CABP1: variants seen among roughly 807,000 people sequenced by gnomAD.
The protein encoded by CABP1 is calcium-binding protein 1.
A neutral mutation model predicts 34.3 loss-of-function variants in CABP1; 17 were observed. That is an observed-to-expected ratio of 0.50 (90% confidence interval 0.34 to 0.74). CABP1 has a LOEUF of 0.74. CABP1 is among the 30% of genes least tolerant of loss of function. The probability of loss-of-function intolerance (pLI) is 0.01; values close to 1 mark genes in which losing one functional copy is unlikely to be tolerated. For missense variants in CABP1, 373 were observed against 511.1 expected (o/e 0.73, Z 2.61); for synonymous variants, 198 against 229.2 (o/e 0.86, Z 1.23).
the CABP1 span, among the ~76,000 whole-genome samples, chr12:120,679,544 TG>T: frequency 6.6e-6 from 1 of 152,192 alleles, no homozygotes; most frequent in African/African-American, 2.4e-5. Flanking sequence ...TGGTGAATTT[TG>T]GGCTGGGCGC....
intron 1 of CABP1, among the ~76,000 whole-genome samples, chr12:120,658,777 G>A (rs544729952): frequency 9.2e-5 from 14 of 152,296 alleles, no homozygotes; most frequent in South Asian, 2.1e-4. Context: ...GTCTGTGTTC[G>A]TGGGAGGTAT....
At chr12:120,642,350 C>G (rs902823322) in intron 1 of CABP1, among the ~76,000 whole-genome samples, 1 of 152,192 alleles carries the variant, frequency 6.6e-6, no homozygotes, top group Admixed American at 6.5e-5. Context: ...GAAGCTGTTT[C>G]AAGCTCCTGG....
chr12:120,649,379 T>G (rs1879704092), intron 1 of CABP1, among the ~76,000 whole-genome samples: 1 of 152,090 alleles, frequency 6.6e-6, no homozygotes, highest in South Asian at 2.1e-4. Context: ...TGCCCCCTGC[T>G]GGAAAAAGCT....
At chr12:120,669,402 T>A (rs368411079), downstream of CABP1, among the ~76,000 whole-genome samples, 6 of 152,324 alleles carry the variant, frequency 3.9e-5, no homozygotes, top group Admixed American at 3.9e-4. Flanking sequence ...AGAAACACAG[T>A]GGCCTTGGAG....
Position 120,667,026 on chromosome 12 carries a change from C to G in CABP1, c.*126C>G, listed in dbSNP as rs1405172359. ...ACTGGCGGATGGGGCCTGCCTGCAC[C>G]CCGGGGAGGCGCCCACCCCGGACCC... On this transcript the variant is annotated 3_prime_UTR_variant, in exon 6 of 6. Transcript: ENST00000316803. 8 of 1,191,654 alleles carry G rather than the reference C, an allele frequency of 6.7e-6. No homozygotes were observed. The highest frequency in any genetic ancestry group is 6.6e-5 in the South Asian group (5 of 75,558). 73.8% of individuals were successfully genotyped at this position (1,191,654 alleles called of 1,614,324 possible).
the CABP1 span, among the ~76,000 whole-genome samples, chr12:120,677,070 T>G: frequency 6.7e-6 from 1 of 149,484 alleles, no homozygotes; most frequent in Non-Finnish European, 1.5e-5. Context: ...TAAGGCATTC[T>G]CTTGAAGTTT....
At chr12:120,673,281 C>T in the CABP1 span, among the ~76,000 whole-genome samples, 1 of 151,848 alleles carries the variant, frequency 6.6e-6, no homozygotes, top group African/African-American at 2.4e-5. Context: ...TCTTATTTTA[C>T]AATAAAAAAA....
At chr12:120,657,939 C>T (rs1880345507) in intron 1 of CABP1, among the ~76,000 whole-genome samples, 2 of 152,216 alleles carry the variant, frequency 1.3e-5, no homozygotes, top group East Asian at 1.9e-4. Flanking sequence ...TGTATGTGTA[C>T]ACACGTGTGC....
At position 120,641,634 on chromosome 12, in the gene CABP1, C is replaced by A; in HGVS notation, c.654+295C>A. The stretch of plus-strand genomic sequence containing the variant: ...GGAAGAGAGCGACCTCTACGACCGT[C>A]CTGGAGATTTGCGGGGGTCAAGGAG... On this transcript the variant is annotated intron_variant, in intron 1 of 5. Coordinates refer to ENST00000316803, the MANE Select transcript of CABP1 (RefSeq NM_001033677.2). The surrounding 1 kb of genome is among the most constrained non-coding windows in gnomAD (Gnocchi z 6.7). 3.3e-6 allele frequency: 1 copy of A among 302,260 alleles called. No individual in the cohort carries two copies. The highest frequency in any genetic ancestry group is 5.2e-5 in the East Asian group (1 of 19,092). The allele number at this position is 302,260 out of a possible 1,614,324, so 18.7% of individuals were successfully genotyped here.
chr12:120,667,594 T>G (rs942226291), downstream of CABP1, among the ~76,000 whole-genome samples: 1 of 152,120 alleles, frequency 6.6e-6, no homozygotes, highest in African/African-American at 2.4e-5. Context: ...GTTCAAGCGA[T>G]TCTCCTGCCT....
chr12:120,656,857 G>T (rs574885323), intron 1 of CABP1, among the ~76,000 whole-genome samples: 4 of 152,122 alleles, frequency 2.6e-5, no homozygotes, highest in Admixed American at 6.5e-5. Flanking sequence ...GTCGCGCCAT[G>T]GCACTCCAGC....
chr12:120,655,395 T>C, intron 1 of CABP1: 1 of 262,640 alleles, frequency 3.8e-6, no homozygotes, highest in Non-Finnish European at 6.1e-6. Context: ...ATCACGCCAC[T>C]GCACTCCAGC....
At chr12:120,663,077 G>C (rs1429902107) in intron 5 of CABP1, among the ~76,000 whole-genome samples, 2 of 152,092 alleles carry the variant, frequency 1.3e-5, no homozygotes, top group African/African-American at 2.4e-5. Flanking sequence ...ACCCTTCCCT[G>C]GTTCCTCAAA....
chr12:120,650,359 C>T (rs1879765834), intron 1 of CABP1: 3 of 774,238 alleles, frequency 3.9e-6, no homozygotes, highest in Non-Finnish European at 5.8e-6. Context: ...CCTGCACTCT[C>T]CCCTTCTGCT....
At chr12:120,667,576 C>T (rs1333203453), downstream of CABP1, among the ~76,000 whole-genome samples, 1 of 152,164 alleles carries the variant, frequency 6.6e-6, no homozygotes, top group Non-Finnish European at 1.5e-5. Flanking sequence ...GTAACCTCTG[C>T]TTCCCAGGTT....
At chr12:120,663,436 G>A (rs1432170383) in intron 5 of CABP1, among the ~76,000 whole-genome samples, 1 of 151,686 alleles carries the variant, frequency 6.6e-6, no homozygotes, top group Non-Finnish European at 1.5e-5. Flanking sequence ...CACCATGCCT[G>A]GCTAATTTTT....
At position 120,640,797 on chromosome 12, in the gene CABP1, CCCGCG is replaced by C; in HGVS notation, c.122_126del (p.Arg41HisfsTer56). The C allele has an allele frequency of 9.0e-7, 1 of 1,111,808 alleles. No individual in the cohort carries two copies. The highest frequency in any genetic ancestry group is 1.1e-6 in the Non-Finnish European group (1 of 912,668). 68.9% of individuals were successfully genotyped at this position (1,111,808 alleles called of 1,614,324 possible). A position where few individuals can be genotyped will look rare whatever the true frequency, so the allele number is the denominator to read the frequency against. ...GCCCCGTTCTCTGCCCGCCGGGGGC[CCCGCG>C]CCGCGCCGCACCGCGCCGCCCCCGC... is the stretch of plus-strand genomic sequence containing the variant. On this transcript the variant is annotated frameshift_variant, in exon 1 of 6. Coordinates refer to ENST00000316803, the MANE Select transcript of CABP1 (RefSeq NM_001033677.2). LOFTEE classifies it high-confidence loss of function. The surrounding 1 kb of genome is among the most constrained non-coding windows in gnomAD (Gnocchi z 6.2).
At chr12:120,675,358 C>G in the CABP1 span, among the ~76,000 whole-genome samples, 1 of 152,192 alleles carries the variant, frequency 6.6e-6, no homozygotes, top group Non-Finnish European at 1.5e-5. Flanking sequence ...CGGCCATTAT[C>G]TGTTATTAAT....
At chr12:120,648,981 C>T (rs1050112411) in intron 1 of CABP1, among the ~76,000 whole-genome samples, 1 of 152,092 alleles carries the variant, frequency 6.6e-6, no homozygotes, top group African/African-American at 2.4e-5. Flanking sequence ...GGCCTGCTTC[C>T]TTCATGCTGT....
Sources: allele counts gnomAD v4.1 joint callset (sites outside exome capture counted in the v4.1 genomes callset), GRCh38; gene constraint gnomAD v4.1.1; non-coding constraint Gnocchi (gnomAD v3.1); transcripts MANE v1.5; gene names NCBI Gene and HGNC (gene_info 2026-07-23, HGNC 2026-07-21).